Variants in SSR1 observed in about 807,000 individuals in gnomAD.
SSR1 encodes the protein signal sequence receptor subunit 1, also known as translocon-associated protein subunit alpha.
Under a neutral mutation model 36.1 loss-of-function variants are expected in SSR1, and 13 were observed. That is an observed-to-expected ratio of 0.36 (90% CI 0.23 to 0.57). SSR1 has a LOEUF of 0.57. Among genes scored for constraint, SSR1 ranks in the 20% least tolerant of loss-of-function variants. The pLI is 0.81. For synonymous variants in SSR1, 113 were observed against 118.9 expected (o/e 0.95, Z 0.32); for missense variants, 291 against 338.5 (o/e 0.86, Z 1.10).
At chr6:7,292,794 C>A (rs1475391192) in intron 7 of SSR1, among the ~76,000 whole-genome samples, 2 of 152,176 alleles carry the variant, frequency 1.3e-5, no homozygotes, top group Non-Finnish European at 2.9e-5. Context: ...GACTCCTTCT[C>A]ACCCAACCTT....
intron 3 of SSR1, among the ~76,000 whole-genome samples, 192 bp from the exon 4 acceptor site, chr6:7,301,764 T>C (rs1369796542): frequency 6.6e-6 from 1 of 152,192 alleles, no homozygotes; most frequent in Non-Finnish European, 1.5e-5. Context: ...AACCCTTTTG[T>C]CTGTACGCTA....
chr6:7,295,247 TA>T, intron 7 of SSR1, 144 bp downstream of exon 7: 1 of 1,071,210 alleles, frequency 9.3e-7, no homozygotes, highest in Non-Finnish European at 1.3e-6. Flanking sequence ...AGGTCTTAAT[TA>T]ATCACTATAC....
chr6:7,291,743 G>A (rs957474985), intron 7 of SSR1, among the ~76,000 whole-genome samples: 4 of 152,192 alleles, frequency 2.6e-5, no homozygotes, highest in African/African-American at 9.6e-5. Context: ...AAGTACTCTA[G>A]GATTTAACAG....
At chr6:7,311,844 T>C (rs3736894) in intron 1 of SSR1, among the ~76,000 whole-genome samples, 46,448 of 152,124 alleles carry the variant, frequency 0.31, 7,877 homozygotes, top group African/African-American at 0.46. Flanking sequence ...AAAGTTTTTA[T>C]AACTTGAAAA....
intron 4 of SSR1, among the ~76,000 whole-genome samples, chr6:7,299,633 G>A (rs1224613625): frequency 1.3e-5 from 2 of 151,722 alleles, no homozygotes; most frequent in Non-Finnish European, 2.9e-5. Context: ...AGAAGGCAGA[G>A]GTTGTGATGA....
At chr6:7,299,375 G>C (rs1757876804) in intron 4 of SSR1, among the ~76,000 whole-genome samples, 1 of 152,206 alleles carries the variant, frequency 6.6e-6, no homozygotes, top group African/African-American at 2.4e-5. Flanking sequence ...TTAAGAACTA[G>C]ATCGGAACAA....
chr6:7,298,657 C>T, intron 5 of SSR1, 90 bp downstream of exon 5: 1 of 937,352 alleles, frequency 1.1e-6, no homozygotes. Context: ...ATTCCATCGT[C>T]AACATCTAAA....
intron 6 of SSR1, 36 bp from the exon 7 acceptor site, chr6:7,295,521 CG>C: frequency 6.9e-7 from 1 of 1,444,252 alleles, no homozygotes; most frequent in Non-Finnish European, 9.5e-7. Context: ...AAAGGAGTTC[CG>C]TTACACCATT....
intron 5 of SSR1, 74 bp downstream of exon 5, chr6:7,298,673 G>T: frequency 8.9e-7 from 1 of 1,123,302 alleles, no homozygotes; most frequent in Non-Finnish European, 1.3e-6. Context: ...CTAAAACAAT[G>T]CTGAAACAGA....
Position 7,285,256 on chromosome 6 carries a change from C to G in SSR1, c.*4608G>C, listed in dbSNP as rs527787842. Reference sequence around the variant, plus strand: ...GGAACAAAAAAAGGCACAGTCAAAACATCTTTGACTGCAATTTGGAGACTT... The same window carrying G: ...GGAACAAAAAAAGGCACAGTCAAAAGATCTTTGACTGCAATTTGGAGACTT... On this transcript the variant is annotated 3_prime_UTR_variant, in exon 8 of 8. Coordinates refer to ENST00000244763, the MANE Select transcript of SSR1 (RefSeq NM_003144.5). The surrounding 1 kb of genome is among the most constrained non-coding windows in gnomAD (Gnocchi z 4.1). 1 of 152,206 alleles carries G rather than the reference C, an allele frequency of 6.6e-6. No individual in the cohort carries two copies. The highest frequency in any genetic ancestry group is 2.4e-5 in the African/African-American group (1 of 41,456). 9.4% of individuals were successfully genotyped at this position (152,206 alleles called of 1,614,324 possible).
intron 7 of SSR1, chr6:7,295,119 A>T: frequency 6.6e-7 from 1 of 1,519,834 alleles, no homozygotes; most frequent in Non-Finnish European, 8.7e-7. Flanking sequence ...CAACAGAAAG[A>T]AAAGAGACAG....
At position 7,301,549 on chromosome 6, in the gene SSR1, T is replaced by C; in HGVS notation, c.304A>G (p.Lys102Glu). The C allele has an allele frequency of 1.2e-6, 2 of 1,610,674 alleles. No individual in the cohort carries two copies. Among genetic ancestry groups the C allele is most frequent in the African/African-American group, 2.7e-5 (2 of 74,822 alleles). ...GEDFPANNIV[K>E]FLVGFTNKGT... ...TTGTTGGTAAAGCCTACCAGGAACT[T>C]CACAATGTTATTTGCTGGAAAATCT... The change falls in exon 4 of 8, where the codon AAG (lysine) becomes GAG (glutamate). Residue 102 changes from lysine to glutamate, a missense_variant. Lys to Glu is a moderately conservative substitution (Grantham distance 56, BLOSUM62 1). Transcript: ENST00000244763.
In SSR1 at chr6:7,285,815, T is replaced by A. The variant is rs990994210; in HGVS notation, c.*4049A>T. 9.2e-5 allele frequency: 14 copies of A among 152,350 alleles called. No homozygotes were observed. The highest frequency in any genetic ancestry group is 3.4e-3 in the Middle Eastern group (1 of 294). The allele number at this position is 152,350 out of a possible 1,614,324, so 9.4% of individuals were successfully genotyped here. Reference sequence around the variant, plus strand: ...TTTAACGTGAAGATTTATCTTTCAATCCTTTAGAGCTTGAAAATGCAATCA... The same window carrying A: ...TTTAACGTGAAGATTTATCTTTCAAACCTTTAGAGCTTGAAAATGCAATCA... On this transcript the variant is annotated 3_prime_UTR_variant, in exon 8 of 8. Coordinates refer to ENST00000244763, the MANE Select transcript of SSR1 (RefSeq NM_003144.5). The surrounding 1 kb of genome is among the most constrained non-coding windows in gnomAD (Gnocchi z 4.1).
chr6:7,303,720 G>A lies in SSR1; in HGVS notation c.193-83C>T, dbSNP rs937908380. 15 of 1,072,748 alleles carry A rather than the reference G, an allele frequency of 1.4e-5. No homozygotes were observed. The African/African-American group carries it at 2.2e-4, about 16-fold the overall frequency. 66.5% of individuals were successfully genotyped at this position (1,072,748 alleles called of 1,614,324 possible). On this transcript the variant is annotated intron_variant, in intron 2 of 7. Coordinates refer to ENST00000244763, the MANE Select transcript of SSR1 (RefSeq NM_003144.5). ...AAAAATAAAGATTTGGCCGGGCACG[G>A]TGGCTCACACTTATAATCTCAGCAC... is the stretch of plus-strand genomic sequence containing the variant.
chr6:7,303,969 A>G (rs1265318254), intron 2 of SSR1, among the ~76,000 whole-genome samples: 1 of 152,254 alleles, frequency 6.6e-6, no homozygotes, highest in African/African-American at 2.4e-5. Flanking sequence ...GACTCAAAAA[A>G]AAGAAATAAA....
At position 7,313,123 on chromosome 6, in the gene SSR1, C is replaced by A. The variant is rs1211629561; in HGVS notation, c.-3G>T. 6.2e-7 allele frequency: 1 copy of A among 1,602,220 alleles called. No homozygotes were observed. The highest frequency in any genetic ancestry group is 8.5e-7 in the Non-Finnish European group (1 of 1,174,218). ...AGCAAGCGGGGGAGGAGTCTCATGG[C>A]GCTGCCGGTCCAGTGTCCAGTTTCC... On this transcript the variant is annotated 5_prime_UTR_variant, in exon 1 of 8. Coordinates refer to ENST00000244763, the MANE Select transcript of SSR1 (RefSeq NM_003144.5).
Position 7,281,572 on chromosome 6 carries a change from T to G in SSR1, c.*8292A>C, listed in dbSNP as rs1388609902. On this transcript the variant is annotated 3_prime_UTR_variant, in exon 8 of 8. Coordinates refer to ENST00000244763, the MANE Select transcript of SSR1 (RefSeq NM_003144.5). Reference sequence around the variant, plus strand: ...CACAAGTATTTCATCCCAACTAAATTCCAATTTCTTCAATGTTCTCTGAGT... The same window carrying G: ...CACAAGTATTTCATCCCAACTAAATGCCAATTTCTTCAATGTTCTCTGAGT... 6.6e-6 allele frequency: 1 copy of G among 152,224 alleles called. No homozygotes were observed. The highest frequency in any genetic ancestry group is 2.4e-5 in the African/African-American group (1 of 41,448). 9.4% of individuals were successfully genotyped at this position (152,224 alleles called of 1,614,324 possible). A position where few individuals can be genotyped will look rare whatever the true frequency, so the allele number is the denominator to read the frequency against.
At chr6:7,302,205 T>TC (rs747063069) in intron 3 of SSR1, among the ~76,000 whole-genome samples, 1 of 152,236 alleles carries the variant, frequency 6.6e-6, no homozygotes, top group Non-Finnish European at 1.5e-5. Flanking sequence ...TTCATAACTT[T>TC]CAATATTAAG....
intron 7 of SSR1, among the ~76,000 whole-genome samples, chr6:7,293,143 G>C (rs989852331): frequency 2.0e-5 from 3 of 151,142 alleles, no homozygotes; most frequent in South Asian, 2.1e-4. Context: ...CCTGTACTTA[G>C]GTTTGGTATC....
Sources: allele counts gnomAD v4.1 joint callset (sites outside exome capture counted in the v4.1 genomes callset), GRCh38; gene constraint gnomAD v4.1.1; non-coding constraint Gnocchi (gnomAD v3.1); transcripts MANE v1.5; gene names NCBI Gene and HGNC (gene_info 2026-07-23, HGNC 2026-07-21).